Variants in FOXN3 observed in about 807,000 individuals in gnomAD.
FOXN3 encodes forkhead box protein N3.
FOXN3 carries 7 observed loss-of-function variants against 38.4 expected under a neutral mutation model. The ratio of observed to expected loss-of-function variants is 0.18; its 90% CI spans 0.10 to 0.34. FOXN3 has a LOEUF of 0.34. FOXN3 is among the 10% of genes least tolerant of loss of function. FOXN3 has a pLI of 1.00. For synonymous variants in FOXN3, 230 were observed against 242.2 expected, an observed-to-expected ratio of 0.95 and a Z score of 0.47; for missense variants, 456 against 613.4, an observed-to-expected ratio of 0.74 and a Z score of 2.71.
intron 1 of FOXN3, among the ~76,000 whole-genome samples, chr14:89,446,087 C>CAAAAAAAAAAAAAAAAAAAAAAAA (rs576883864): frequency 1.5e-4 from 6 of 40,112 alleles, no homozygotes; most frequent in Non-Finnish European, 1.8e-4. Context: ...GACCCTGCCT[C>CAAAAAAAAAAAAAAAAAAAAAAAA]AAAAAAAAAA....
At chr14:89,527,872 T>C (rs1351082230) in intron 1 of FOXN3, among the ~76,000 whole-genome samples, 1 of 152,072 alleles carries the variant, frequency 6.6e-6, no homozygotes, top group Non-Finnish European at 1.5e-5. Flanking sequence ...TGGCTAATTT[T>C]TGTATTTTTA....
At chr14:89,273,739 T>G (rs1169824237) in intron 4 of FOXN3, among the ~76,000 whole-genome samples, 1 of 152,226 alleles carries the variant, frequency 6.6e-6, no homozygotes, top group East Asian at 1.9e-4. Flanking sequence ...CACCGCTGAT[T>G]GTAAGCAAAA....
intron 3 of FOXN3, among the ~76,000 whole-genome samples, chr14:89,282,317 T>C (rs1039611437): frequency 1.3e-5 from 2 of 152,232 alleles, no homozygotes; most frequent in Admixed American, 6.5e-5. Context: ...TAAAATTAAA[T>C]GAGCATCACG....
chr14:89,269,575 T>C (rs1433779400), intron 4 of FOXN3, among the ~76,000 whole-genome samples: 1 of 151,762 alleles, frequency 6.6e-6, no homozygotes, highest in Middle Eastern at 3.2e-3. Context: ...ATAACATTCA[T>C]AGGTCACCAC....
At chr14:89,556,308 T>A (rs1319062207) in intron 1 of FOXN3, among the ~76,000 whole-genome samples, 1 of 150,120 alleles carries the variant, frequency 6.7e-6, no homozygotes, top group Non-Finnish European at 1.5e-5. Flanking sequence ...GAGGCTGAGG[T>A]AGGAGAATCG....
chr14:89,591,402 G>A (rs966587810), intron 1 of FOXN3, among the ~76,000 whole-genome samples: 8 of 152,186 alleles, frequency 5.3e-5, no homozygotes, highest in African/African-American at 1.9e-4. Flanking sequence ...ATTCTTCTCT[G>A]AGAAGGAATG....
At chr14:89,395,818 G>C (rs75836961) in intron 2 of FOXN3, among the ~76,000 whole-genome samples, 51 of 152,144 alleles carry the variant, frequency 3.4e-4, no homozygotes, top group African/African-American at 5.1e-4. Flanking sequence ...AAGGCTGGAG[G>C]GGGGGGAGTT....
intron 1 of FOXN3, among the ~76,000 whole-genome samples, chr14:89,532,603 C>T (rs1185273056): frequency 2.6e-5 from 4 of 152,126 alleles, no homozygotes; most frequent in Non-Finnish European, 5.9e-5. Flanking sequence ...ACTGCACAGC[C>T]ACTGATTTAC....
In FOXN3 at chr14:89,307,796, CT is replaced by C. The variant is rs541693035; in HGVS notation, c.681-26783del. ...GCTTAGAAAAAGTGCCATTCTTAAC[CT>C]TTCAGAATCACTCATAAGTAAATCC... On this transcript the variant is annotated intron_variant, in intron 3 of 5. Transcript: ENST00000557258. Among the ~76,000 whole-genome samples, 19 of 152,304 alleles carry C rather than the reference CT, an allele frequency of 1.2e-4. 1 individual carries two copies. The highest frequency in any genetic ancestry group is 4.6e-4 in the African/African-American group (19 of 41,560).
At chr14:89,474,006 AT>A (rs1893161426) in intron 1 of FOXN3, among the ~76,000 whole-genome samples, 1 of 152,230 alleles carries the variant, frequency 6.6e-6, no homozygotes, top group Non-Finnish European at 1.5e-5. Flanking sequence ...CACAGTTGCA[AT>A]GCAGTCTAAG....
intron 1 of FOXN3, among the ~76,000 whole-genome samples, chr14:89,573,471 C>G (rs1895536001): frequency 6.6e-6 from 1 of 152,172 alleles, no homozygotes; most frequent in African/African-American, 2.4e-5. Flanking sequence ...TACTCAGATA[C>G]AGCATACATA....
At chr14:89,316,467 T>G (rs565798177) in intron 3 of FOXN3, among the ~76,000 whole-genome samples, 76 of 151,308 alleles carry the variant, frequency 5.0e-4, no homozygotes, top group African/African-American at 1.8e-3. Flanking sequence ...GCAATCCTCC[T>G]ACCTCAGTCT....
Position 89,511,143 on chromosome 14 carries a change from TTC to T in FOXN3, c.-14-98655_-14-98654del, listed in dbSNP as rs1894052089. On this transcript the variant is annotated intron_variant, in intron 1 of 6. Transcript: ENST00000345097. ...TGGTGTCTTTCTTTCTTTCTTTCTT[TTC>T]TTTCTTTCTTTCTTTCTTTCTTTCT... Among the ~76,000 whole-genome samples, 4 of 12,580 alleles carry T rather than the reference TTC, an allele frequency of 3.2e-4. 2 individuals carry two copies. Among genetic ancestry groups the T allele is most frequent in the Non-Finnish European group, 9.0e-4 (2 of 2,216 alleles). 8.3% of individuals were successfully genotyped at this position (12,580 alleles called of 152,430 possible).
At chr14:89,190,301 A>G (rs938019714) in intron 4 of FOXN3, 100 of 1,035,850 alleles carry the variant, frequency 9.7e-5, no homozygotes, top group Admixed American at 7.5e-4. Flanking sequence ...CTTTAGCATT[A>G]GTTCTTCCTA....
chr14:89,494,927 C>T (rs1893647939), intron 1 of FOXN3, among the ~76,000 whole-genome samples: 1 of 152,170 alleles, frequency 6.6e-6, no homozygotes, highest in South Asian at 2.1e-4. Context: ...TGAACATTCT[C>T]TTTTTTGCTT....
At chr14:89,281,366 A>G (rs1185262577) in intron 3 of FOXN3, among the ~76,000 whole-genome samples, 1 of 152,196 alleles carries the variant, frequency 6.6e-6, no homozygotes, top group African/African-American at 2.4e-5. Context: ...TGTGGCAAAG[A>G]AGTCCTAATC....
At chr14:89,435,161 T>A (rs1892251079) in intron 1 of FOXN3, among the ~76,000 whole-genome samples, 1 of 151,986 alleles carries the variant, frequency 6.6e-6, no homozygotes, top group Non-Finnish European at 1.5e-5. Context: ...GAGGGGAGGA[T>A]TGCTTGAACC....
chr14:89,232,769 C>A (rs920619306), intron 4 of FOXN3, among the ~76,000 whole-genome samples: 2 of 152,118 alleles, frequency 1.3e-5, no homozygotes, highest in African/African-American at 4.8e-5. Context: ...GGAAAGCTGG[C>A]GAGAGCGTCA....
intron 3 of FOXN3, among the ~76,000 whole-genome samples, chr14:89,337,514 T>C (rs1007991134): frequency 6.6e-6 from 1 of 152,164 alleles, no homozygotes; most frequent in Non-Finnish European, 1.5e-5. Context: ...CAAGTGCCAG[T>C]TCCGCAGAAA....
Sources: allele counts gnomAD v4.1 joint callset (sites outside exome capture counted in the v4.1 genomes callset), GRCh38; gene constraint gnomAD v4.1.1; transcripts MANE v1.5; gene names NCBI Gene and HGNC (gene_info 2026-07-23, HGNC 2026-07-21).